SLC25A21: variants seen among roughly 807,000 people sequenced by gnomAD.
SLC25A21 encodes solute carrier family 25 member 21.
A neutral mutation model predicts 43.8 loss-of-function variants in SLC25A21; 47 were observed. That is an observed-to-expected ratio of 1.07 (90% CI 0.85 to 1.37). The LOEUF is 1.37. Among genes scored for constraint, SLC25A21 ranks in the 40% most tolerant of loss-of-function variants. The probability of loss-of-function intolerance (pLI) is 0.00; values close to 1 mark genes in which losing one functional copy is unlikely to be tolerated. For missense variants in SLC25A21, 352 were observed against 350.2 expected (o/e 1.00, Z -0.04); for synonymous variants, 131 against 121.3 (o/e 1.08, Z -0.52).
intron 1 of SLC25A21, among the ~76,000 whole-genome samples, chr14:37,067,143 CA>C (rs1169387619): frequency 6.6e-6 from 1 of 152,020 alleles, no homozygotes. Flanking sequence ...GCAGGAGGGG[CA>C]AAATTTGAAG....
intron 3 of SLC25A21, among the ~76,000 whole-genome samples, chr14:36,743,575 G>A (rs1377438331): frequency 6.6e-6 from 1 of 152,060 alleles, no homozygotes; most frequent in East Asian, 1.9e-4. Flanking sequence ...ACAGCCAACA[G>A]CATACTGGAT....
At chr14:36,734,765 G>A (rs1229865994) in intron 3 of SLC25A21, among the ~76,000 whole-genome samples, 192 bp from the exon 4 acceptor site, 5 of 152,120 alleles carry the variant, frequency 3.3e-5, no homozygotes, top group South Asian at 2.1e-4. Context: ...AGGTAAATAC[G>A]TGATACTGAG....
intron 3 of SLC25A21, among the ~76,000 whole-genome samples, chr14:36,744,513 C>T (rs1249833576): frequency 1.4e-5 from 2 of 138,810 alleles, no homozygotes; most frequent in African/African-American, 2.8e-5. Flanking sequence ...GGACCCCTAT[C>T]TCTCACCATA....
At chr14:37,161,911 C>G (rs1471689190) in intron 1 of SLC25A21, among the ~76,000 whole-genome samples, 1 of 134,096 alleles carries the variant, frequency 7.5e-6, no homozygotes, top group Non-Finnish European at 1.5e-5. Context: ...TGCAGTGAGC[C>G]GAGATCGCCT....
At chr14:36,877,097 T>C (rs1173405171) in intron 1 of SLC25A21, among the ~76,000 whole-genome samples, 1 of 152,136 alleles carries the variant, frequency 6.6e-6, no homozygotes, top group African/African-American at 2.4e-5. Context: ...CAGAAATTCA[T>C]TAAGTGCACT....
At chr14:37,098,119 T>C (rs1436487365) in intron 1 of SLC25A21, 3 of 152,206 alleles carry the variant, frequency 2.0e-5, no homozygotes, top group African/African-American at 4.8e-5. Flanking sequence ...TCACAGTATT[T>C]ACCTCTAGGG....
At chr14:37,166,423 A>T (rs1964031275) in intron 1 of SLC25A21, among the ~76,000 whole-genome samples, 1 of 152,208 alleles carries the variant, frequency 6.6e-6, no homozygotes, top group African/African-American at 2.4e-5. Context: ...AGTAGACTTG[A>T]CTTCGTCTTT....
intron 3 of SLC25A21, among the ~76,000 whole-genome samples, chr14:36,796,682 T>G (rs570195074): frequency 2.0e-5 from 3 of 152,198 alleles, no homozygotes; most frequent in African/African-American, 7.2e-5. Context: ...ATTCTGACAT[T>G]TCCAGACCCT....
At position 37,072,873 on chromosome 14, in the gene SLC25A21, A is replaced by G. The variant is rs138838032; in HGVS notation, c.70+99408T>C. On this transcript the variant is annotated intron_variant, in intron 1 of 9. Transcript: ENST00000331299. ...AAGTAGTCCTTTCAGCCACATATAC[A>G]TGTGTAGATAACATAGTCACCATCA... Among the ~76,000 whole-genome samples the G allele has an allele frequency of 8.5e-5, 13 of 152,376 alleles. No homozygotes were observed. The East Asian group carries it at 2.5e-3, about 29-fold the overall frequency.
At chr14:37,133,599 C>T (rs1385778241) in intron 1 of SLC25A21, among the ~76,000 whole-genome samples, 1 of 151,952 alleles carries the variant, frequency 6.6e-6, no homozygotes, top group Non-Finnish European at 1.5e-5. Context: ...TCTACACATC[C>T]CCCCTTGTAA....
intron 1 of SLC25A21, among the ~76,000 whole-genome samples, chr14:37,016,161 T>C (rs1185082841): frequency 6.6e-6 from 1 of 152,138 alleles, no homozygotes; most frequent in African/African-American, 2.4e-5. Flanking sequence ...TCTTCCAGGG[T>C]TTTTATGGTT....
intron 2 of SLC25A21, among the ~76,000 whole-genome samples, chr14:36,835,866 T>C (rs916726147): frequency 1.3e-5 from 2 of 152,190 alleles, no homozygotes; most frequent in South Asian, 2.1e-4. Context: ...TCCTTTCCTG[T>C]GGGGTGGACC....
intron 1 of SLC25A21, among the ~76,000 whole-genome samples, chr14:37,001,355 C>T (rs533368108): frequency 6.6e-6 from 1 of 152,196 alleles, no homozygotes; most frequent in African/African-American, 2.4e-5. Context: ...TATCAATTCA[C>T]TTTATCAGTG....
intron 1 of SLC25A21, among the ~76,000 whole-genome samples, chr14:36,992,487 C>T (rs1254470138): frequency 6.6e-6 from 1 of 152,136 alleles, no homozygotes; most frequent in Non-Finnish European, 1.5e-5. Flanking sequence ...AAGAAAGGCG[C>T]CTTTTTACAT....
At chr14:37,027,512 T>C (rs1961118464) in intron 1 of SLC25A21, among the ~76,000 whole-genome samples, 1 of 152,188 alleles carries the variant, frequency 6.6e-6, no homozygotes, top group East Asian at 1.9e-4. Flanking sequence ...CTAGATTTTA[T>C]CTCTTTGTGG....
intron 1 of SLC25A21, among the ~76,000 whole-genome samples, chr14:37,005,455 A>G (rs895378875): frequency 3.9e-5 from 6 of 152,184 alleles, no homozygotes; most frequent in Non-Finnish European, 7.3e-5. Flanking sequence ...TTAAATTGCT[A>G]TAATTGGACA....
intron 1 of SLC25A21, among the ~76,000 whole-genome samples, chr14:37,159,730 A>G (rs956404354): frequency 2.0e-5 from 3 of 152,152 alleles, no homozygotes; most frequent in African/African-American, 7.2e-5. Context: ...GACAAATAGG[A>G]CTTAAACTAA....
chr14:37,041,531 C>T (rs36105433), intron 1 of SLC25A21, among the ~76,000 whole-genome samples: 60,152 of 151,926 alleles, frequency 0.4, 12,699 homozygotes, highest in African/African-American at 0.55. Context: ...TTTAGAAGTA[C>T]CTGGGCATGA....
intron 1 of SLC25A21, among the ~76,000 whole-genome samples, chr14:36,900,500 T>G (rs1281495554): frequency 6.6e-6 from 1 of 152,198 alleles, no homozygotes; most frequent in Non-Finnish European, 1.5e-5. Flanking sequence ...CTTTTAATCT[T>G]AATTAACTGA....
Sources: allele counts gnomAD v4.1 joint callset (sites outside exome capture counted in the v4.1 genomes callset), GRCh38; gene constraint gnomAD v4.1.1; transcripts MANE v1.5; gene names NCBI Gene and HGNC (gene_info 2026-07-23, HGNC 2026-07-21).